The following APEX2 variants were observed in gnomAD, a reference collection of about 807,000 sequenced individuals.
APEX2 encodes the protein apurinic/apyrimidinic endodeoxyribonuclease 2, also known as DNA-(apurinic or apyrimidinic site) endonuclease 2.
Under a neutral mutation model 16.7 loss-of-function variants are expected in APEX2, and 4 were observed. The observed-to-expected ratio is 0.24, with a 90% CI of 0.12 to 0.55. The LOEUF (loss-of-function observed/expected upper bound fraction) is 0.55. Among genes scored for constraint, APEX2 ranks in the 20% least tolerant of loss-of-function variants. APEX2 has a pLI of 0.94. For missense variants in APEX2, 357 were observed against 433.6 expected (o/e 0.82, Z 1.57); for synonymous variants, 181 against 166.9 (o/e 1.08, Z -0.65).
chrX:55,003,034 T>C lies in APEX2; in HGVS notation c.495T>C (p.Pro165=). Residue 165 remains proline, a synonymous_variant, in exon 4 of 6, where the codon CCT becomes CCC. Coordinates refer to ENST00000374987, the MANE Select transcript of APEX2 (RefSeq NM_014481.4). ...VYCPHADPGR[P]ERLVFKMRFY... ...GCCCCCATGCGGACCCTGGGAGGCC[T>C]GAGCGGCTAGTCTTTAAGATGCGCT... 8.3e-7 allele frequency: 1 copy of C among 1,211,778 alleles called. No individual in the cohort carries two copies. The highest frequency in any genetic ancestry group is 3.0e-5 in the East Asian group (1 of 33,819).
chrX:55,003,752 C>G (rs1226420138), intron 4 of APEX2, 47 bp from the exon 5 acceptor site: 1 of 1,153,599 alleles, frequency 8.7e-7, no homozygotes, highest in Non-Finnish European at 1.2e-6. Context: ...GTATATGGGC[C>G]AGGACTGCTG....
Position 55,006,542 on chromosome X carries a change from C to T in APEX2, c.664C>T (p.Arg222Cys), listed in dbSNP as rs187479006. The T allele has an allele frequency of 2.7e-4, 300 of 1,126,593 alleles. No homozygotes were observed. The South Asian group carries it at 6.0e-3, about 22-fold the overall frequency. 92.8% of individuals were successfully genotyped at this position (1,126,593 alleles called of 1,213,427 possible). The change falls in exon 6 of 6, where the codon CGC becomes TGC. Residue 222 changes from arginine to cysteine, a missense_variant. Arg to Cys is a radical substitution (Grantham distance 180). Coordinates refer to ENST00000374987, the MANE Select transcript of APEX2 (RefSeq NM_014481.4). ...NLECFEEDPGRKWMDSLLSNL... is the reference protein window; with the variant it reads ...NLECFEEDPGCKWMDSLLSNL... ...GGAATGCTTTGAAGAGGACCCAGGGCGCAAGTGGATGGACAGCTTGCTCAG... is the reference window on the plus strand; with the variant it reads ...GGAATGCTTTGAAGAGGACCCAGGGTGCAAGTGGATGGACAGCTTGCTCAG...
chrX:55,007,640 T>G lies in APEX2; in HGVS notation c.*205T>G. Reference sequence around the variant, plus strand: ...GCCTTAATCCTGTGACCCAGCCCCTTACACCACTTTCCACCTTCCTGTCCG... The same window carrying G: ...GCCTTAATCCTGTGACCCAGCCCCTGACACCACTTTCCACCTTCCTGTCCG... On this transcript the variant is annotated 3_prime_UTR_variant, in exon 6 of 6. Transcript: ENST00000374987. The G allele has an allele frequency of 2.7e-6, 1 of 376,645 alleles. No homozygotes were observed. The highest frequency in any genetic ancestry group is 4.4e-6 in the Non-Finnish European group (1 of 228,284). The allele number at this position is 376,645 out of a possible 1,213,427, so 31.0% of individuals were successfully genotyped here.
In APEX2 at chrX:55,006,997, A is replaced by G. The variant is rs1252392426; in HGVS notation, c.1119A>G (p.Gln373=). 8.3e-6 allele frequency: 10 copies of G among 1,210,232 alleles called. No individual in the cohort carries two copies. Among genetic ancestry groups the G allele is most frequent in the Non-Finnish European group, 8.9e-6 (8 of 895,263 alleles). Residue 373 remains glutamine (Q), a synonymous_variant, in exon 6 of 6, where the codon CAA becomes CAG. Transcript: ENST00000374987. ...TRVQTCQNKA[Q]VRSTRPQPSQ... ...TACAGACATGCCAAAACAAAGCCCAAGTGCGCTCAACCAGGCCTCAGCCCA... is the reference window on the plus strand; with the variant it reads ...TACAGACATGCCAAAACAAAGCCCAGGTGCGCTCAACCAGGCCTCAGCCCA...
chrX:55,001,469 C>T, intron 1 of APEX2, 77 bp from the exon 2 acceptor site: 1 of 817,766 alleles, frequency 1.2e-6, no homozygotes, highest in East Asian at 3.4e-5. Flanking sequence ...AATTAGCCTA[C>T]AACTGTAATT....
chrX:55,007,872 T>G lies in APEX2; in HGVS notation c.*437T>G. The G allele has an allele frequency of 8.4e-6, 1 of 119,700 alleles. No homozygotes were observed. Among genetic ancestry groups the G allele is most frequent in the Non-Finnish European group, 1.7e-5 (1 of 58,341 alleles). 9.9% of individuals were successfully genotyped at this position (119,700 alleles called of 1,213,427 possible). On this transcript the variant is annotated 3_prime_UTR_variant, in exon 6 of 6. Transcript: ENST00000374987. ...GCTGGCTGTAGCCCAATGATGTAAT[T>G]CCCAGAGAAAGGGGAGGAGGGAGGG...
At position 55,006,725 on chromosome X, in the gene APEX2, A is replaced by G. The variant is rs779505607; in HGVS notation, c.847A>G (p.Arg283Gly). ...CCGGCTTGACTATGTGCTGGGGGAC[A>G]GGACCCTGGTCATAGACACCTTTCA... is the stretch of plus-strand genomic sequence containing the variant. ...GSRLDYVLGD[R>G]TLVIDTFQAS... The change falls in exon 6 of 6, where the codon AGG becomes GGG. Residue 283 changes from arginine to glycine, a missense_variant. Physicochemically the swap from Arg to Gly is moderately radical, Grantham distance 125. Transcript: ENST00000374987. 3 of 1,189,686 alleles carry G rather than the reference A, an allele frequency of 2.5e-6. No homozygotes were observed. Among genetic ancestry groups the G allele is most frequent in the Admixed American group, 4.5e-5 (2 of 44,400 alleles).
At chrX:55,003,141 A>T (rs913130122) in intron 4 of APEX2, 33 bp downstream of exon 4, 15 of 1,203,530 alleles carry the variant, frequency 1.2e-5, no homozygotes, top group Non-Finnish European at 1.6e-5. Flanking sequence ...GGCTTCCTTG[A>T]GTTGGTCCTG....
chrX:55,005,294 G>A (rs1214784705), intron 5 of APEX2, among the ~76,000 whole-genome samples: 1 of 111,466 alleles, frequency 9.0e-6, no homozygotes, highest in Non-Finnish European at 1.9e-5. Flanking sequence ...ATACATCTTT[G>A]TGCCTTTTCT....
At position 55,007,609 on chromosome X, in the gene APEX2, T is replaced by G; in HGVS notation, c.*174T>G. ...CTACCTAGCTCCTTGTTGGTGAGCT[T>G]CTTGTGCCTTAATCCTGTGACCCAG... On this transcript the variant is annotated 3_prime_UTR_variant, in exon 6 of 6. Coordinates refer to ENST00000374987, the MANE Select transcript of APEX2 (RefSeq NM_014481.4). 1 of 520,754 alleles carries G rather than the reference T, an allele frequency of 1.9e-6. No homozygotes were observed. The highest frequency in any genetic ancestry group is 2.9e-6 in the Non-Finnish European group (1 of 343,510). The allele number at this position is 520,754 out of a possible 1,213,427, so 42.9% of individuals were successfully genotyped here.
In APEX2 at chrX:55,006,977, A is replaced by G; in HGVS notation, c.1099A>G (p.Thr367Ala). 2 of 1,211,759 alleles carry G rather than the reference A, an allele frequency of 1.7e-6. No homozygotes were observed. The highest frequency in any genetic ancestry group is 2.2e-6 in the Non-Finnish European group (2 of 895,480). ...LQHNNQTRVQ[T>A]CQNKAQVRST... ...GCACAACAATCAAACCCGGGTACAG[A>G]CATGCCAAAACAAAGCCCAAGTGCG... Residue 367 changes from threonine to alanine, a missense_variant, in exon 6 of 6, where the codon ACA becomes GCA. By Grantham distance (58) the Thr-to-Ala change is moderately conservative (BLOSUM62 0). Transcript: ENST00000374987.
At position 55,007,001 on chromosome X, in the gene APEX2, C is replaced by T. The variant is rs376594966; in HGVS notation, c.1123C>T (p.Arg375Cys). Residue 375 changes from arginine to cysteine, a missense_variant, in exon 6 of 6, where the codon CGC (arginine) becomes TGC (cysteine). Physicochemically the swap from Arg to Cys is radical, Grantham distance 180. Transcript: ENST00000374987. ...VQTCQNKAQVRSTRPQPSQVG... is the reference protein window; with the variant it reads ...VQTCQNKAQVCSTRPQPSQVG... Reference sequence around the variant, plus strand: ...GACATGCCAAAACAAAGCCCAAGTGCGCTCAACCAGGCCTCAGCCCAGTCA... The same window carrying T: ...GACATGCCAAAACAAAGCCCAAGTGTGCTCAACCAGGCCTCAGCCCAGTCA... 22 of 1,210,122 alleles carry T rather than the reference C, an allele frequency of 1.8e-5. No homozygotes were observed. The highest frequency in any genetic ancestry group is 1.5e-4 in the East Asian group (5 of 33,763).
intron 5 of APEX2, among the ~76,000 whole-genome samples, chrX:55,006,276 C>A (rs1935496421): frequency 9.0e-6 from 1 of 110,954 alleles, no homozygotes; most frequent in Non-Finnish European, 1.9e-5. Flanking sequence ...CATTGACGGA[C>A]CAATGCAAGA....
At chrX:55,005,335 T>C (rs1021894533) in intron 5 of APEX2, among the ~76,000 whole-genome samples, 1 of 112,218 alleles carries the variant, frequency 8.9e-6, no homozygotes, top group Non-Finnish European at 1.9e-5. Context: ...AGATCTCTTA[T>C]GTATACCTCT....
intron 2 of APEX2, 28 bp downstream of exon 2, chrX:55,001,657 A>G (rs753164812): frequency 8.8e-7 from 1 of 1,133,747 alleles, no homozygotes; most frequent in Non-Finnish European, 1.2e-6. Flanking sequence ...TGGACTTTAA[A>G]TTAGTGAGGG....
In APEX2 at chrX:55,000,586, G is replaced by A; in HGVS notation, c.157+7G>A. The A allele has an allele frequency of 8.3e-7, 1 of 1,197,967 alleles. No homozygotes were observed. The highest frequency in any genetic ancestry group is 1.7e-5 in the African/African-American group (1 of 57,186). On this transcript the variant is annotated splice_region_variant and intron_variant, in intron 1 of 5. Coordinates refer to ENST00000374987, the MANE Select transcript of APEX2 (RefSeq NM_014481.4). ...CAGGAAACCAAAGTGACCAGTGAGC[G>A]CTCTGGATTCCAGGATCCCTACATA...
At position 55,008,594 on chromosome X, in the gene APEX2, AAG is replaced by A. The variant is rs1453066255; in HGVS notation, c.*1161_*1162del. On this transcript the variant is annotated 3_prime_UTR_variant, in exon 6 of 6. Transcript: ENST00000374987. ...TCCAAAAAAAAAAAAAGAAAAGAAAAAGAATGGGACTGGTAAATCCTGTTCTG... is the reference window on the plus strand; with the variant it reads ...TCCAAAAAAAAAAAAAGAAAAGAAAAAATGGGACTGGTAAATCCTGTTCTG... 2 of 110,899 alleles carry A rather than the reference AAG, an allele frequency of 1.8e-5. No homozygotes were observed. The highest frequency in any genetic ancestry group is 6.6e-5 in the African/African-American group (2 of 30,496). 9.1% of individuals were successfully genotyped at this position (110,899 alleles called of 1,213,427 possible). A position where few individuals can be genotyped will look rare whatever the true frequency, so the allele number is the denominator to read the frequency against.
At chrX:55,000,773 G>C (rs1935429467) in intron 1 of APEX2, among the ~76,000 whole-genome samples, 194 bp downstream of exon 1, 1 of 109,956 alleles carries the variant, frequency 9.1e-6, no homozygotes, top group Non-Finnish European at 1.9e-5. Flanking sequence ...CCTGTCTTCA[G>C]CAAACTTTAG....
In APEX2 at chrX:55,001,499, G is replaced by A. The variant is rs752068350; in HGVS notation, c.158-47G>A. 2.9e-6 allele frequency: 3 copies of A among 1,041,446 alleles called. No individual in the cohort carries two copies. In the East Asian group the frequency reaches 9.6e-5, roughly 33 times the overall value. 85.8% of individuals were successfully genotyped at this position (1,041,446 alleles called of 1,213,427 possible). On this transcript the variant is annotated intron_variant, in intron 1 of 5. Coordinates refer to ENST00000374987, the MANE Select transcript of APEX2 (RefSeq NM_014481.4). ...GTAATTCCAGGCCTTTGTGTTTCTCGGATGCTAGTTTTACCTCTGACTTAA... is the reference window on the plus strand; with the variant it reads ...GTAATTCCAGGCCTTTGTGTTTCTCAGATGCTAGTTTTACCTCTGACTTAA...
Sources: gnomAD v4.1 joint callset for allele counts (sites outside exome capture counted in the v4.1 genomes callset) on GRCh38, gnomAD v4.1.1 for gene constraint, MANE v1.5 for transcripts, NCBI Gene and HGNC (gene_info 2026-07-23, HGNC 2026-07-21) for gene names.